Variants in RNF213 observed in about 807,000 individuals in gnomAD.
The protein encoded by RNF213 is ring finger protein 213, also known as E3 ubiquitin-protein ligase RNF213.
Under a neutral mutation model 514.4 loss-of-function variants are expected in RNF213, and 341 were observed. The ratio of observed to expected loss-of-function variants is 0.66; its 90% CI spans 0.61 to 0.73. The LOEUF is 0.73. Among genes scored for constraint, RNF213 ranks in the 30% least tolerant of loss-of-function variants. The probability of loss-of-function intolerance (pLI) is 0.00; values close to 1 mark genes in which losing one functional copy is unlikely to be tolerated. For missense variants in RNF213, 5,767 were observed against 6,615.6 expected (o/e 0.87, Z 4.45); for synonymous variants, 2,655 against 2,658.2 (o/e 1.00, Z 0.04).
intron 2 of RNF213, among the ~76,000 whole-genome samples, chr17:80,265,532 A>G (rs766028672): frequency 2.6e-5 from 4 of 152,240 alleles, no homozygotes; most frequent in Non-Finnish European, 4.4e-5. Context: ...AAATACAGTG[A>G]TGCTGGCTGG....
At chr17:80,301,724 T>TA (rs2045185943) in intron 11 of RNF213, among the ~76,000 whole-genome samples, 1 of 152,180 alleles carries the variant, frequency 6.6e-6, no homozygotes, top group Non-Finnish European at 1.5e-5. Flanking sequence ...GAGGACAGTA[T>TA]AAAGGTTCCT....
chr17:80,281,807 G>A (rs987342745), intron 3 of RNF213, among the ~76,000 whole-genome samples: 4 of 152,144 alleles, frequency 2.6e-5, no homozygotes, highest in African/African-American at 7.2e-5. Context: ...GATATGAAAC[G>A]GCGTGGCATT....
At position 80,353,560 on chromosome 17, in the gene RNF213, C is replaced by T. The variant is rs150749971; in HGVS notation, c.10472C>T (p.Thr3491Met). ...AEDGHEEAME[T>M]EASTSGEVAE... ...GACGGCCATGAGGAGGCGATGGAGACGGAGGCCAGCACATCAGGGGAGGTG... is the reference window on the plus strand; with the variant it reads ...GACGGCCATGAGGAGGCGATGGAGATGGAGGCCAGCACATCAGGGGAGGTG... Residue 3491 changes from threonine to methionine, a missense_variant, in exon 34 of 68, where the codon ACG (threonine) becomes ATG (methionine). Physicochemically the swap from Thr to Met is moderately conservative, Grantham distance 81. Around this residue, in one of 13 missense-constraint regions of RNF213, gnomAD observed 919 missense variants for 1,121.0 expected, o/e 0.82. Coordinates refer to ENST00000582970, the MANE Select transcript of RNF213 (RefSeq NM_001256071.3). This position sits in a 1 kb window ranked among gnomAD's most constrained non-coding sequence, Gnocchi z 5.0. 4.7e-5 allele frequency: 76 copies of T among 1,613,704 alleles called. No homozygotes were observed. The highest frequency in any genetic ancestry group is 1.2e-4 in the Admixed American group (7 of 59,954).
intron 36 of RNF213, among the ~76,000 whole-genome samples, chr17:80,356,136 A>AC (rs1339183301): frequency 6.6e-6 from 1 of 151,874 alleles, no homozygotes; most frequent in Non-Finnish European, 1.5e-5. Flanking sequence ...TGAGTAGCTG[A>AC]GACTATAGGC....
At chr17:80,354,608 C>G (rs779435153) in intron 36 of RNF213, 32 bp downstream of exon 36, 1 of 1,613,594 alleles carries the variant, frequency 6.2e-7, no homozygotes, top group South Asian at 1.1e-5. Context: ...AGGAGTGGCT[C>G]CAATCTGGTG....
intron 58 of RNF213, 21 bp from the exon 59 acceptor site, chr17:80,383,656 T>C (rs762692871): frequency 5.6e-6 from 9 of 1,613,868 alleles, no homozygotes; most frequent in Non-Finnish European, 7.6e-6. Flanking sequence ...CAGAATTTTT[T>C]TTTTCATTTT....
chr17:80,387,960 T>TC (rs2080306448), intron 63 of RNF213, among the ~76,000 whole-genome samples: 1 of 149,540 alleles, frequency 6.7e-6, no homozygotes, highest in South Asian at 2.2e-4. Flanking sequence ...TGGATTTTTT[T>TC]TTTTTTTTTT....
chr17:80,382,114 G>A (rs1372689763), intron 57 of RNF213: 4 of 258,330 alleles, frequency 1.5e-5, no homozygotes, highest in South Asian at 1.0e-4. Flanking sequence ...CACACAGAGC[G>A]TGCGTGTCAA....
In RNF213 at chr17:80,263,017, G is replaced by A. The variant is rs917831394; in HGVS notation, c.-108-557G>A. Among the ~76,000 whole-genome samples the A allele has an allele frequency of 2.0e-5, 3 of 152,202 alleles. No individual in the cohort carries two copies. Among genetic ancestry groups the A allele is most frequent in the South Asian group, 2.1e-4 (1 of 4,836 alleles). On this transcript the variant is annotated intron_variant, in intron 1 of 67. Transcript: ENST00000582970. This position sits in a 1 kb window ranked among gnomAD's most constrained non-coding sequence, Gnocchi z 4.9. ...GTCCTCCACTGTTAGGTGGCCAAGC[G>A]CCCAAACGCCATCTCCACTCTCACC...
chr17:80,386,350 T>C lies in RNF213; in HGVS notation c.14640T>C (p.Ala4880=), dbSNP rs778154256. The part of the protein sequence containing the change: ...LPRRRGLGLC[A]TALVSYLIRL... ...GCCGACGGGGCCTGGGCCTCTGTGC[T>C]ACCGCTCTCGTCAGCTACTTGATTC... The change falls in exon 62 of 68, where the codon GCT becomes GCC. Residue 4880 remains alanine, a synonymous_variant. Transcript: ENST00000582970. The C allele has an allele frequency of 2.0e-5, 33 of 1,614,184 alleles. 1 individual carries two copies. In the South Asian group the frequency reaches 3.5e-4, roughly 17 times the overall value.
rs1159931907 is a variant in RNF213, at chr17:80,344,750, A to T, written c.6415A>T (p.Ile2139Leu). 9.3e-6 allele frequency: 15 copies of T among 1,614,054 alleles called. No individual in the cohort carries two copies. The African/African-American group carries it at 2.0e-4, about 22-fold the overall frequency. Residue 2139 changes from isoleucine to leucine, a missense_variant, in exon 29 of 68, where the codon ATA becomes TTA. Physicochemically the swap from Ile to Leu is conservative, Grantham distance 5. Around this residue, in one of 13 missense-constraint regions of RNF213, gnomAD observed 1,377 missense variants for 1,635.2 expected, o/e 0.84. Transcript: ENST00000582970. ...CACCTGCAGGCCTCCCAAAGAGGTG[A>T]TAGACATGGAGCTGAGTGCCCTGAG... The part of the protein sequence containing the change: ...KVTCRPPKEV[I>L]DMELSALRSD...
rs566920908 is a variant in RNF213 at position 80,310,530 on chromosome 17, G to A, written c.2655+1359G>A. On this transcript the variant is annotated intron_variant, in intron 14 of 67. Coordinates refer to ENST00000582970, the MANE Select transcript of RNF213 (RefSeq NM_001256071.3). ...GGCCTCCCAGAGTGCTGGGATTGCCGATGTGAGCCACTGCACCCAGCACAA... is the reference window on the plus strand; with the variant it reads ...GGCCTCCCAGAGTGCTGGGATTGCCAATGTGAGCCACTGCACCCAGCACAA... Among the ~76,000 whole-genome samples, 82 of 151,156 alleles carry A rather than the reference G, an allele frequency of 5.4e-4. 1 individual carries two copies. The highest frequency in any genetic ancestry group is 3.0e-3 in the Admixed American group (45 of 15,138).
Position 80,325,208 on chromosome 17 carries a change from C to T in RNF213, c.3193+10C>T, listed in dbSNP as rs1343239811. 9 of 1,525,506 alleles carry T rather than the reference C, an allele frequency of 5.9e-6. No homozygotes were observed. The highest frequency in any genetic ancestry group is 2.5e-5 in the East Asian group (1 of 40,660). 94.5% of individuals were successfully genotyped at this position (1,525,506 alleles called of 1,614,324 possible). On this transcript the variant is annotated intron_variant, in intron 18 of 67. Coordinates refer to ENST00000582970, the MANE Select transcript of RNF213 (RefSeq NM_001256071.3). ...GTCTTCAGATTGTGTGGTATGTTTG[C>T]GGGAGTGCTGGGAACATCAGCTCAG...
intron 3 of RNF213, among the ~76,000 whole-genome samples, chr17:80,281,362 C>T (rs1187010844): frequency 8.0e-6 from 1 of 124,376 alleles, no homozygotes; most frequent in Non-Finnish European, 1.7e-5. Context: ...CACTCACACA[C>T]ACCTCAACAC....
Position 80,344,923 on chromosome 17 carries a change from A to C in RNF213, c.6588A>C (p.Glu2196Asp). 6.2e-7 allele frequency: 1 copy of C among 1,614,172 alleles called. No individual in the cohort carries two copies. The highest frequency in any genetic ancestry group is 8.5e-7 in the Non-Finnish European group (1 of 1,180,024). ...GCTCTGTCGAAGGCACCCCGGAGGA[A>C]TGCCTCCAGCATTTCCTGTTTCACT... ...QEGSVEGTPEECLQHFLFHCG... is the reference protein window; with the variant it reads ...QEGSVEGTPEDCLQHFLFHCG... Residue 2196 changes from glutamate to aspartate, a missense_variant, in exon 29 of 68, where the codon GAA (glutamate) becomes GAC (aspartate). By Grantham distance (45) the Glu-to-Asp change is conservative. Around this residue, in one of 13 missense-constraint regions of RNF213, gnomAD observed 1,377 missense variants for 1,635.2 expected, o/e 0.84. Coordinates refer to ENST00000582970, the MANE Select transcript of RNF213 (RefSeq NM_001256071.3).
In RNF213 at chr17:80,394,430, T is replaced by C. The variant is rs1226275582; in HGVS notation, c.*932T>C. 1.3e-5 allele frequency: 2 copies of C among 152,212 alleles called. No homozygotes were observed. The highest frequency in any genetic ancestry group is 2.9e-5 in the Non-Finnish European group (2 of 68,040). The allele number at this position is 152,212 out of a possible 1,614,324, so 9.4% of individuals were successfully genotyped here. A position where few individuals can be genotyped will look rare whatever the true frequency, so the allele number is the denominator to read the frequency against. ...CATAAAAACTAGGACTCAGAGCACA[T>C]ACAAAACCAGTTATGTTTCGGAAAG... On this transcript the variant is annotated 3_prime_UTR_variant, in exon 68 of 68. Transcript: ENST00000582970.
At chr17:80,390,238 T>C (rs2080410085) in intron 67 of RNF213, 42 bp downstream of exon 67, 1 of 1,587,096 alleles carries the variant, frequency 6.3e-7, no homozygotes, top group South Asian at 1.1e-5. Context: ...GACACAATGT[T>C]GTGCTGTCTC....
chr17:80,381,379 C>CG, intron 56 of RNF213, 168 bp from the exon 57 acceptor site: 1 of 734,952 alleles, frequency 1.4e-6, no homozygotes. Flanking sequence ...AGCCAGCAGC[C>CG]GTTCCGCTTG....
Position 80,350,397 on chromosome 17 carries a change from G to A in RNF213, c.10184+1G>A, listed in dbSNP as rs758655706. 3.1e-6 allele frequency: 5 copies of A among 1,589,414 alleles called. No individual in the cohort carries two copies. Among genetic ancestry groups the A allele is most frequent in the Non-Finnish European group, 1.7e-6 (2 of 1,157,692 alleles). On this transcript the variant is annotated splice_donor_variant, in intron 31 of 67. Transcript: ENST00000582970. LOFTEE classifies it high-confidence loss of function. ...GCGCCCAGCTCATTGCCTCAGCTAA[G>A]TATGTTTTTAGTATTTTTCTCAGAA... is the stretch of plus-strand genomic sequence containing the variant.
Sources: allele counts gnomAD v4.1 joint callset (sites outside exome capture counted in the v4.1 genomes callset), GRCh38; gene constraint gnomAD v4.1.1; regional missense constraint gnomAD v4.1.1; non-coding constraint Gnocchi (gnomAD v3.1); transcripts MANE v1.5; gene names NCBI Gene and HGNC (gene_info 2026-07-23, HGNC 2026-07-21).